Variants in ALG6 observed in about 807,000 individuals in gnomAD.
The protein encoded by ALG6 is ALG6 alpha-1,3-glucosyltransferase.
A neutral mutation model predicts 66.6 loss-of-function variants in ALG6; 46 were observed. The observed-to-expected ratio is 0.69, with a 90% confidence interval of 0.55 to 0.88. ALG6 has a LOEUF of 0.88. Among genes scored for constraint, ALG6 ranks in the 40% least tolerant of loss-of-function variants. ALG6 has a pLI of 0.00. For synonymous variants in ALG6, 185 were observed against 203.7 expected, an observed-to-expected ratio of 0.91 and a Z score of 0.78; for missense variants, 505 against 586.8, an observed-to-expected ratio of 0.86 and a Z score of 1.44.
intron 12 of ALG6, among the ~76,000 whole-genome samples, chr1:63,421,392 A>T (rs1406462281): frequency 6.6e-6 from 1 of 152,102 alleles, no homozygotes; most frequent in Non-Finnish European, 1.5e-5. Context: ...TATTAGTTCA[A>T]CCATTGTGGA....
At chr1:63,377,587 A>T (rs1453208852) in intron 2 of ALG6, among the ~76,000 whole-genome samples, 1 of 152,210 alleles carries the variant, frequency 6.6e-6, no homozygotes, top group East Asian at 1.9e-4. Context: ...CAATGCAAAG[A>T]CTTTAGAATG....
At chr1:63,417,840 A>G (rs1279018994) in intron 11 of ALG6, among the ~76,000 whole-genome samples, 4 of 152,128 alleles carry the variant, frequency 2.6e-5, no homozygotes. Context: ...GAGTGCTATG[A>G]AGAAAGTAGT....
At chr1:63,376,167 A>G (rs1648118818) in intron 2 of ALG6, among the ~76,000 whole-genome samples, 1 of 152,208 alleles carries the variant, frequency 6.6e-6, no homozygotes, top group African/African-American at 2.4e-5. Flanking sequence ...GCTGTACATT[A>G]TAGCCTATTG....
chr1:63,370,744 T>C (rs1038621577), intron 1 of ALG6, 27 bp from the exon 2 acceptor site: 2 of 538,814 alleles, frequency 3.7e-6, no homozygotes, highest in Non-Finnish European at 6.7e-6. Context: ...CTCAGCTGAA[T>C]CTTGATATCT....
At chr1:63,434,093 C>A (rs528411814) in intron 14 of ALG6, among the ~76,000 whole-genome samples, 1 of 152,208 alleles carries the variant, frequency 6.6e-6, no homozygotes, top group Non-Finnish European at 1.5e-5. Context: ...AGAGAGGTAA[C>A]AGTGTAGTTT....
At chr1:63,396,214 T>C (rs1285532428) in intron 2 of ALG6, among the ~76,000 whole-genome samples, 2 of 152,218 alleles carry the variant, frequency 1.3e-5, no homozygotes, top group Non-Finnish European at 2.9e-5. Context: ...CCAGGCACTA[T>C]GCTGGGTATT....
At chr1:63,407,010 C>T (rs929393304) in intron 6 of ALG6, 52 bp from the exon 7 acceptor site, 4 of 1,406,890 alleles carry the variant, frequency 2.8e-6, no homozygotes, top group Non-Finnish European at 2.0e-6. Context: ...TTTTACCCTG[C>T]TTGATTTGTG....
chr1:63,412,103 T>TA (rs2100421791), intron 9 of ALG6, 42 bp downstream of exon 9: 1 of 1,613,164 alleles, frequency 6.2e-7, no homozygotes, highest in East Asian at 2.2e-5. Flanking sequence ...TACTGTACCT[T>TA]ACCTGTGACC....
rs756038267 is a variant in ALG6, at chr1:63,411,270, G to A, written c.619G>A (p.Ala207Thr). ...TTATAAACAGATGGAACTTTACCAC[G>A]CCTTGCCATTTTTTTGCTTTTTACT... Reference protein sequence around the residue: ...INYKQMELYHALPFFCFLLGK... With the variant: ...INYKQMELYHTLPFFCFLLGK... The change falls in exon 8 of 15, where the codon GCC becomes ACC. Residue 207 changes from alanine (A) to threonine (T), a missense_variant. Physicochemically the swap from Ala to Thr is moderately conservative, Grantham distance 58. Coordinates refer to ENST00000263440, the MANE Select transcript of ALG6 (RefSeq NM_013339.4). 4.3e-6 allele frequency: 7 copies of A among 1,613,746 alleles called. No individual in the cohort carries two copies. The highest frequency in any genetic ancestry group is 2.7e-5 in the African/African-American group (2 of 74,856).
intron 12 of ALG6, among the ~76,000 whole-genome samples, chr1:63,423,089 T>A (rs1424396819): frequency 1.3e-5 from 2 of 151,090 alleles, no homozygotes; most frequent in Non-Finnish European, 2.9e-5. Flanking sequence ...AGTGGCGTGA[T>A]CTTTGCTCAC....
rs200826705 is a variant in ALG6 at position 63,394,376 on chromosome 1, TTTTC to T, written c.83-2125_83-2122del. Among the ~76,000 whole-genome samples, 1,442 of 152,198 alleles carry T rather than the reference TTTTC, an allele frequency of 9.5e-3. 22 individuals are homozygous for T. The highest frequency in any genetic ancestry group is 0.032 in the African/African-American group (1,330 of 41,520). On this transcript the variant is annotated intron_variant, in intron 2 of 14. Transcript: ENST00000263440. Reference sequence around the variant, plus strand: ...ATGGAGATAGCTTTACATCTTTTTTTTTTCTTTCTTTCTTTTCTTTTGAGACGGA... The same window carrying T: ...ATGGAGATAGCTTTACATCTTTTTTTTTTCTTTCTTTTCTTTTGAGACGGA...
rs1253289234 is a variant in ALG6, at chr1:63,411,332, G to A, written c.680+1G>A. On this transcript the variant is annotated splice_donor_variant, in intron 8 of 14. Transcript: ENST00000263440. LOFTEE classifies it high-confidence loss of function. ...TTAAAAAAGGCCTCAAAGGAAAGGGGTGAGTGACTTTTAAACACTAGAATC... is the reference window on the plus strand; with the variant it reads ...TTAAAAAAGGCCTCAAAGGAAAGGGATGAGTGACTTTTAAACACTAGAATC... 3.1e-6 allele frequency: 5 copies of A among 1,613,104 alleles called. No individual in the cohort carries two copies. Among genetic ancestry groups the A allele is most frequent in the Non-Finnish European group, 4.2e-6 (5 of 1,179,662 alleles).
chr1:63,419,828 T>G (rs367543456), intron 12 of ALG6, among the ~76,000 whole-genome samples: 344 of 149,574 alleles, frequency 2.3e-3, no homozygotes, highest in African/African-American at 8.4e-3. Flanking sequence ...TGGGGTCTTT[T>G]GTATGTTGCC....
intron 14 of ALG6, among the ~76,000 whole-genome samples, chr1:63,431,393 C>T (rs953190260): frequency 2.0e-5 from 3 of 152,106 alleles, no homozygotes; most frequent in African/African-American, 4.8e-5. Context: ...GGGACTGAGT[C>T]GATTCTGCAT....
At chr1:63,419,521 C>T in intron 12 of ALG6, 81 bp downstream of exon 12, 1 of 961,110 alleles carries the variant, frequency 1.0e-6, no homozygotes, top group Non-Finnish European at 1.6e-6. Flanking sequence ...CATTTGAATG[C>T]AAAACAAAAC....
intron 11 of ALG6, among the ~76,000 whole-genome samples, chr1:63,417,074 A>G (rs1242345930): frequency 6.6e-6 from 1 of 152,118 alleles, no homozygotes; most frequent in Non-Finnish European, 1.5e-5. Flanking sequence ...TTATCTTTTT[A>G]TTGATGATTT....
chr1:63,374,394 G>A (rs11208198), intron 2 of ALG6, among the ~76,000 whole-genome samples: 3,759 of 152,226 alleles, frequency 0.025, 121 homozygotes, highest in African/African-American at 0.079. Context: ...TTGGGAGGCC[G>A]AAGTGGGCCG....
At chr1:63,371,761 T>C (rs1272718652) in intron 2 of ALG6, among the ~76,000 whole-genome samples, 12 of 152,084 alleles carry the variant, frequency 7.9e-5, no homozygotes, top group Non-Finnish European at 1.5e-5. Context: ...CACGCGACCA[T>C]GCCCAGCTAA....
At chr1:63,379,415 G>T (rs1406042114) in intron 2 of ALG6, among the ~76,000 whole-genome samples, 2 of 152,144 alleles carry the variant, frequency 1.3e-5, no homozygotes, top group African/African-American at 4.8e-5. Context: ...GTACTACCAG[G>T]AGCCAAGGCC....
Sources: allele counts gnomAD v4.1 joint callset (sites outside exome capture counted in the v4.1 genomes callset), GRCh38; gene constraint gnomAD v4.1.1; transcripts MANE v1.5; gene names NCBI Gene and HGNC (gene_info 2026-07-23, HGNC 2026-07-21).